IGFL2: variants seen among roughly 807,000 people sequenced by gnomAD.
The protein encoded by IGFL2 is IGF like family member 2, also known as insulin growth factor-like family member 2.
IGFL2 carries 7 observed loss-of-function variants against 13.9 expected under a neutral mutation model. The ratio of observed to expected loss-of-function variants is 0.51; its 90% CI spans 0.29 to 0.95. The LOEUF is 0.95. Ranked by LOEUF, IGFL2 falls within the 40% of genes least tolerant of loss-of-function variation. IGFL2 has a pLI of 0.08. For missense variants in IGFL2, 138 were observed against 147.8 expected, an observed-to-expected ratio of 0.93 and a Z score of 0.34; for synonymous variants, 55 against 55.8, an observed-to-expected ratio of 0.99 and a Z score of 0.07.
At chr19:46,178,588 C>A in the IGFL2 span, among the ~76,000 whole-genome samples, 4 of 152,258 alleles carry the variant, frequency 2.6e-5, no homozygotes, top group East Asian at 7.7e-4. Flanking sequence ...ATCATCTATT[C>A]TCTCTGAAGC....
intron 1 of IGFL2, among the ~76,000 whole-genome samples, chr19:46,149,492 A>G (rs1011284219): frequency 2.6e-5 from 4 of 150,992 alleles, no homozygotes; most frequent in Non-Finnish European, 4.4e-5. Flanking sequence ...ACCTGGCTCC[A>G]TAGCCCCCGA....
At chr19:46,140,856 C>T (rs401266), upstream of IGFL2, among the ~76,000 whole-genome samples, 13 of 152,144 alleles carry the variant, frequency 8.5e-5, no homozygotes, top group African/African-American at 2.9e-4. Flanking sequence ...AGCCTCTGCA[C>T]TTTTCTAAGA....
the IGFL2 span, among the ~76,000 whole-genome samples, chr19:46,080,183 A>G: frequency 1.3e-5 from 2 of 152,214 alleles, no homozygotes; most frequent in African/African-American, 4.8e-5. Flanking sequence ...AATGACCAAA[A>G]AATTAATGGG....
At chr19:46,205,610 G>C in the IGFL2 span, among the ~76,000 whole-genome samples, 1 of 152,264 alleles carries the variant, frequency 6.6e-6, no homozygotes, top group Non-Finnish European at 1.5e-5. Context: ...TGCTGAGAGA[G>C]AGAGAGAGAG....
the IGFL2 span, among the ~76,000 whole-genome samples, chr19:46,092,608 C>T: frequency 1.3e-5 from 2 of 151,836 alleles, no homozygotes; most frequent in African/African-American, 4.8e-5. Context: ...CTCTAGTACT[C>T]CAGCCTGGGT....
the IGFL2 span, among the ~76,000 whole-genome samples, chr19:46,083,440 TTTATA>T: frequency 6.6e-6 from 1 of 152,204 alleles, no homozygotes; most frequent in African/African-American, 2.4e-5. Flanking sequence ...CGTGTGTACA[TTTATA>T]TTAATATGTA....
the IGFL2 span, among the ~76,000 whole-genome samples, chr19:46,084,883 C>T: frequency 6.6e-6 from 1 of 152,204 alleles, no homozygotes; most frequent in Non-Finnish European, 1.5e-5. Context: ...ATCTCGTGTC[C>T]TTTTCACGTT....
the IGFL2 span, among the ~76,000 whole-genome samples, chr19:46,136,477 A>T: frequency 6.6e-6 from 1 of 152,142 alleles, no homozygotes; most frequent in African/African-American, 2.4e-5. Flanking sequence ...AAAGGGGAAA[A>T]AATCACATGA....
chr19:46,168,261 A>G, the IGFL2 span, among the ~76,000 whole-genome samples: 3 of 152,296 alleles, frequency 2.0e-5, no homozygotes, highest in East Asian at 5.8e-4. Context: ...GTTTTGAAAA[A>G]CATTATCGTT....
At chr19:46,117,988 C>T in the IGFL2 span, among the ~76,000 whole-genome samples, 2 of 152,256 alleles carry the variant, frequency 1.3e-5, no homozygotes, top group Middle Eastern at 3.4e-3. Flanking sequence ...TGTGAGCATA[C>T]GTGGGGCTAA....
At chr19:46,120,315 T>A in the IGFL2 span, 4 of 1,610,788 alleles carry the variant, frequency 2.5e-6, no homozygotes, top group Non-Finnish European at 3.4e-6. Flanking sequence ...CGTCTGCCAG[T>A]GGAGCCTGGG....
chr19:46,164,741 C>A (rs544379905), downstream of IGFL2: 1 of 152,130 alleles, frequency 6.6e-6, no homozygotes, highest in East Asian at 1.9e-4. Flanking sequence ...AGATGGAGTG[C>A]GCTGGAGAAG....
chr19:46,095,569 C>T, the IGFL2 span, among the ~76,000 whole-genome samples: 2 of 152,144 alleles, frequency 1.3e-5, no homozygotes. Flanking sequence ...GTTGCAACTG[C>T]TTTTGGTGTT....
At chr19:46,086,375 A>C in the IGFL2 span, among the ~76,000 whole-genome samples, 1 of 151,602 alleles carries the variant, frequency 6.6e-6, no homozygotes, top group African/African-American at 2.4e-5. Context: ...CCCAGGTTGG[A>C]GTGCAGTGGT....
At chr19:46,114,308 G>GA in the IGFL2 span, among the ~76,000 whole-genome samples, 2 of 151,542 alleles carry the variant, frequency 1.3e-5, no homozygotes, top group African/African-American at 4.8e-5. Flanking sequence ...GGGAACATGC[G>GA]AAAAAAAGGG....
intron 1 of IGFL2, among the ~76,000 whole-genome samples, chr19:46,155,387 G>T (rs998942339): frequency 2.0e-5 from 3 of 152,166 alleles, no homozygotes; most frequent in South Asian, 2.1e-4. Flanking sequence ...AGTTGGCTGG[G>T]GATGTGGGGA....
chr19:46,134,867 G>A, the IGFL2 span, among the ~76,000 whole-genome samples: 13 of 152,296 alleles, frequency 8.5e-5, no homozygotes, highest in African/African-American at 3.1e-4. Context: ...CCCTGCTCTA[G>A]TAGGGGTGAG....
At chr19:46,160,947 A>G in intron 3 of IGFL2, 66 bp downstream of exon 3, 1 of 1,586,438 alleles carries the variant, frequency 6.3e-7, no homozygotes, top group Non-Finnish European at 8.6e-7. Flanking sequence ...GGGAGTCTAG[A>G]TGTCTTCATC....
chr19:46,124,713 G>A, the IGFL2 span: 3 of 1,391,444 alleles, frequency 2.2e-6, no homozygotes, highest in Non-Finnish European at 3.1e-6. Context: ...TATGGAGACA[G>A]CCTAAATGGG....
Sources: gnomAD v4.1 joint callset for allele counts (sites outside exome capture counted in the v4.1 genomes callset) on GRCh38, gnomAD v4.1.1 for gene constraint, MANE v1.5 for transcripts, NCBI Gene and HGNC (gene_info 2026-07-23, HGNC 2026-07-21) for gene names.